MYO3A: variants seen among roughly 807,000 people sequenced by gnomAD.
The protein encoded by MYO3A is myosin-IIIa.
MYO3A carries 180 observed loss-of-function variants against 192.7 expected under a neutral mutation model. That is an observed-to-expected ratio of 0.93 (90% CI 0.83 to 1.06). MYO3A has a LOEUF of 1.06. MYO3A is among the 50% of genes least tolerant of loss of function. The probability of loss-of-function intolerance (pLI) is 0.00; values close to 1 mark genes in which losing one functional copy is unlikely to be tolerated. For missense variants in MYO3A, 1,896 were observed against 1,905.0 expected (o/e 1.00, Z 0.09); for synonymous variants, 628 against 645.3 (o/e 0.97, Z 0.41).
chr10:26,110,679 C>T (rs1332946624), intron 17 of MYO3A, among the ~76,000 whole-genome samples: 31 of 152,194 alleles, frequency 2.0e-4, no homozygotes, highest in Admixed American at 2.0e-3. Context: ...ATGGATACCT[C>T]GTGTAAAGGA....
At chr10:26,188,498 T>G (rs1042792730) in intron 31 of MYO3A, among the ~76,000 whole-genome samples, 6 of 152,202 alleles carry the variant, frequency 3.9e-5, no homozygotes, top group African/African-American at 1.4e-4. Context: ...TTAGTTTAAT[T>G]AGATCCCATT....
chr10:25,961,995 G>A (rs900496354), intron 4 of MYO3A, among the ~76,000 whole-genome samples: 5 of 152,156 alleles, frequency 3.3e-5, no homozygotes, highest in African/African-American at 1.2e-4. Flanking sequence ...GTGAGTACTG[G>A]AGGGGATGTA....
chr10:26,173,064 A>G (rs1842128384), intron 29 of MYO3A, among the ~76,000 whole-genome samples: 1 of 152,012 alleles, frequency 6.6e-6, no homozygotes, highest in Non-Finnish European at 1.5e-5. Context: ...AGAAAAAAAA[A>G]AAAAGATGCA....
intron 14 of MYO3A, among the ~76,000 whole-genome samples, chr10:26,072,980 A>C (rs372146638): frequency 6.6e-6 from 1 of 152,204 alleles, no homozygotes; most frequent in East Asian, 1.9e-4. Flanking sequence ...ATACAGTGAA[A>C]TATTACTCAG....
chr10:26,023,751 C>G (rs1311840159), intron 8 of MYO3A, among the ~76,000 whole-genome samples: 1 of 151,936 alleles, frequency 6.6e-6, no homozygotes, highest in Admixed American at 6.6e-5. Context: ...CCCCCTAGAG[C>G]TAAGTAAAAG....
At chr10:26,007,591 GACAA>G (rs1423798542) in intron 6 of MYO3A, among the ~76,000 whole-genome samples, 22 of 152,048 alleles carry the variant, frequency 1.4e-4, no homozygotes, top group Non-Finnish European at 2.5e-4. Context: ...ACCAATCACA[GACAA>G]ACAGAGAGCC....
intron 25 of MYO3A, among the ~76,000 whole-genome samples, chr10:26,155,911 A>T (rs990810467): frequency 5.9e-5 from 9 of 152,206 alleles, no homozygotes; most frequent in African/African-American, 2.2e-4. Context: ...TTAGTTCATG[A>T]AATCTTTTTA....
intron 26 of MYO3A, among the ~76,000 whole-genome samples, chr10:26,163,867 T>C (rs531592808): frequency 1.3e-5 from 2 of 152,262 alleles, no homozygotes; most frequent in South Asian, 2.1e-4. Context: ...TGTAGAACAC[T>C]AGCGTTTAAG....
chr10:26,146,840 T>TG (rs58551302), intron 22 of MYO3A, among the ~76,000 whole-genome samples: 14,811 of 152,216 alleles, frequency 0.097, 799 homozygotes, highest in Non-Finnish European at 0.12. Context: ...TGGCTAGGCA[T>TG]GGTGGCTCAC....
At position 25,964,790 on chromosome 10, in the gene MYO3A, G is replaced by A. The variant is rs550592201; in HGVS notation, c.303+9782G>A. 6.6e-5 allele frequency among the ~76,000 whole-genome samples: 10 copies of A among 152,264 alleles called. No individual in the cohort carries two copies. The South Asian group carries it at 1.5e-3, about 22-fold the overall frequency. ...TTTCTTGTAGGATGGGTTTGGTATTGATGAAATCCTTCAACTTTTGTTTGT... is the reference window on the plus strand; with the variant it reads ...TTTCTTGTAGGATGGGTTTGGTATTAATGAAATCCTTCAACTTTTGTTTGT... On this transcript the variant is annotated intron_variant, in intron 4 of 34. Coordinates refer to ENST00000642920, the MANE Select transcript of MYO3A (RefSeq NM_017433.5).
At chr10:26,151,021 A>G (rs140722149) in intron 23 of MYO3A, among the ~76,000 whole-genome samples, 121 of 152,270 alleles carry the variant, frequency 7.9e-4, no homozygotes, top group African/African-American at 2.7e-3. Flanking sequence ...ATTTAACTTC[A>G]TAGTGTTCAG....
chr10:26,178,964 G>C (rs539574587), intron 31 of MYO3A, among the ~76,000 whole-genome samples: 1 of 151,670 alleles, frequency 6.6e-6, no homozygotes, highest in Non-Finnish European at 1.5e-5. Flanking sequence ...ACCACGCCGG[G>C]CTAATTTTTT....
At chr10:26,002,424 A>T (rs1296979431) in intron 6 of MYO3A, among the ~76,000 whole-genome samples, 3 of 152,208 alleles carry the variant, frequency 2.0e-5, no homozygotes, top group Non-Finnish European at 4.4e-5. Context: ...AGGGGTTCTT[A>T]TCACTGATGC....
intron 14 of MYO3A, among the ~76,000 whole-genome samples, chr10:26,078,904 T>A (rs563670869): frequency 1.3e-5 from 2 of 152,264 alleles, no homozygotes; most frequent in East Asian, 3.9e-4. Flanking sequence ...TTTCTTAAAT[T>A]TATTGAAGCT....
At chr10:26,161,303 T>C (rs1231368897) in intron 26 of MYO3A, among the ~76,000 whole-genome samples, 1 of 152,216 alleles carries the variant, frequency 6.6e-6, no homozygotes, top group African/African-American at 2.4e-5. Flanking sequence ...ATTCTTCTGT[T>C]CTATAACAAA....
chr10:26,034,652 G>A (rs1842945991), intron 10 of MYO3A, among the ~76,000 whole-genome samples: 1 of 151,894 alleles, frequency 6.6e-6, no homozygotes, highest in South Asian at 2.1e-4. Context: ...ACCAGATCTA[G>A]TCGCTAGTCT....
intron 17 of MYO3A, among the ~76,000 whole-genome samples, chr10:26,104,079 T>A (rs528765733): frequency 6.6e-6 from 1 of 151,666 alleles, no homozygotes; most frequent in Non-Finnish European, 1.5e-5. Flanking sequence ...TTTTATAATC[T>A]AGGTATACTA....
chr10:26,102,226 G>T (rs535412296), intron 17 of MYO3A, among the ~76,000 whole-genome samples: 1 of 152,064 alleles, frequency 6.6e-6, no homozygotes, highest in Non-Finnish European at 1.5e-5. Flanking sequence ...CATAGTTCTC[G>T]TGCCATGGTT....
At chr10:26,076,673 A>T (rs1256914013) in intron 14 of MYO3A, among the ~76,000 whole-genome samples, 1 of 152,114 alleles carries the variant, frequency 6.6e-6, no homozygotes, top group Non-Finnish European at 1.5e-5. Context: ...ATTTTTGTGT[A>T]AGGTGAGAGA....
Sources: allele counts gnomAD v4.1 joint callset (sites outside exome capture counted in the v4.1 genomes callset), GRCh38; gene constraint gnomAD v4.1.1; transcripts MANE v1.5; gene names NCBI Gene and HGNC (gene_info 2026-07-23, HGNC 2026-07-21).